Variants in UTRN observed in about 807,000 individuals in gnomAD.
The protein encoded by UTRN is dystrophin-related protein 1.
Under a neutral mutation model 463.9 loss-of-function variants are expected in UTRN, and 283 were observed. The observed-to-expected ratio is 0.61, with a 90% CI of 0.55 to 0.67. UTRN has a LOEUF of 0.67. Among genes scored for constraint, UTRN ranks in the 30% least tolerant of loss-of-function variants. UTRN has a pLI of 0.00. For synonymous variants in UTRN, 1,442 were observed against 1,431.5 expected (o/e 1.01, Z -0.17); for missense variants, 3,922 against 4,084.3 (o/e 0.96, Z 1.08).
At chr6:144,568,367 C>G (rs1800616164) in intron 50 of UTRN, among the ~76,000 whole-genome samples, 1 of 152,088 alleles carries the variant, frequency 6.6e-6, no homozygotes, top group African/African-American at 2.4e-5. Flanking sequence ...AATTTCTTTG[C>G]CTTTGTCTTC....
intron 51 of UTRN, among the ~76,000 whole-genome samples, chr6:144,640,241 T>C (rs1382625261): frequency 6.6e-6 from 1 of 152,126 alleles, no homozygotes; most frequent in Non-Finnish European, 1.5e-5. Context: ...CTAATGTTAA[T>C]GAGAAGTAGT....
intron 52 of UTRN, among the ~76,000 whole-genome samples, chr6:144,692,692 T>G (rs1783558425): frequency 6.6e-6 from 1 of 152,220 alleles, no homozygotes. Context: ...CATATATGTC[T>G]TCTTTTGAAA....
chr6:144,312,708 C>G (rs962954616), intron 2 of UTRN, among the ~76,000 whole-genome samples: 4 of 152,060 alleles, frequency 2.6e-5, no homozygotes, highest in Non-Finnish European at 5.9e-5. Flanking sequence ...TAGTTTTTCT[C>G]TTCCATGTTT....
At chr6:144,841,213 G>A (rs550716764) in intron 73 of UTRN, among the ~76,000 whole-genome samples, 12 of 152,222 alleles carry the variant, frequency 7.9e-5, no homozygotes, top group Non-Finnish European at 1.3e-4. Context: ...CATGGAAACA[G>A]CCTTTCTAGT....
intron 39 of UTRN, among the ~76,000 whole-genome samples, chr6:144,517,840 T>C (rs1000951931): frequency 2.0e-5 from 3 of 152,212 alleles, no homozygotes; most frequent in African/African-American, 7.2e-5. Context: ...ATGATGTTTG[T>C]ATGACAATGA....
At chr6:144,411,486 G>A (rs1189184590) in intron 3 of UTRN, among the ~76,000 whole-genome samples, 1 of 152,040 alleles carries the variant, frequency 6.6e-6, no homozygotes, top group Non-Finnish European at 1.5e-5. Context: ...CCCTGCCTCT[G>A]GCCGCCAGGT....
intron 26 of UTRN, among the ~76,000 whole-genome samples, chr6:144,480,298 A>T (rs980859846): frequency 1.3e-5 from 2 of 151,366 alleles, no homozygotes; most frequent in Non-Finnish European, 3.0e-5. Context: ...AAGAATGATC[A>T]TTTTTTTTTA....
rs368697151 is a variant in UTRN, at chr6:144,474,573, T to C, written c.3181-31T>C. ...ATTATGGCATCCACTTATATAGTAA[T>C]GAACTCAACATGCATCTTTTATGTG... On this transcript the variant is annotated intron_variant, in intron 24 of 74. Coordinates refer to ENST00000367545, the MANE Select transcript of UTRN (RefSeq NM_007124.3). 14 of 1,592,910 alleles carry C rather than the reference T, an allele frequency of 8.8e-6. 1 individual carries two copies. The highest frequency in any genetic ancestry group is 1.7e-4 in the Middle Eastern group (1 of 5,986).
intron 51 of UTRN, among the ~76,000 whole-genome samples, chr6:144,621,346 C>T (rs190154344): frequency 2.0e-5 from 3 of 152,198 alleles, no homozygotes; most frequent in Non-Finnish European, 4.4e-5. Flanking sequence ...TATGGTTCTC[C>T]AGAGAAACCA....
intron 73 of UTRN, among the ~76,000 whole-genome samples, chr6:144,843,641 G>A (rs764537954): frequency 4.7e-4 from 72 of 152,136 alleles, no homozygotes; most frequent in Non-Finnish European, 6.2e-4. Flanking sequence ...ACATCACAGA[G>A]ATTCATCCTC....
Position 144,796,123 on chromosome 6 carries a change from C to G in UTRN, c.9079-1701C>G, listed in dbSNP as rs545309943. On this transcript the variant is annotated intron_variant, in intron 63 of 74. Transcript: ENST00000367545. ...AAGGAAGGGGTTAAGTTTCAGTTTT[C>G]TGCATATGGCTAGCCAGTTTTCCCA... Among the ~76,000 whole-genome samples, 5 of 152,278 alleles carry G rather than the reference C, an allele frequency of 3.3e-5. No individual in the cohort carries two copies. The East Asian group carries it at 9.6e-4, about 29-fold the overall frequency.
At chr6:144,797,107 CTTT>C (rs1777289811) in intron 63 of UTRN, among the ~76,000 whole-genome samples, 1 of 151,670 alleles carries the variant, frequency 6.6e-6, no homozygotes, top group African/African-American at 2.4e-5. Context: ...AAAATGACAG[CTTT>C]TATTTAGCAT....
At chr6:144,455,497 TGA>T (rs1788727540) in intron 19 of UTRN, among the ~76,000 whole-genome samples, 2 of 152,242 alleles carry the variant, frequency 1.3e-5, no homozygotes, top group Non-Finnish European at 2.9e-5. Flanking sequence ...CTGGTGACTC[TGA>T]CTTTATCTGA....
intron 2 of UTRN, among the ~76,000 whole-genome samples, chr6:144,387,872 G>A (rs1190512627): frequency 1.3e-5 from 2 of 152,094 alleles, no homozygotes; most frequent in Non-Finnish European, 1.5e-5. Context: ...ATACAGATAT[G>A]CAGAAGTCTC....
In UTRN at chr6:144,820,796, T is replaced by C. The variant is rs371715335; in HGVS notation, c.9358-86T>C. 1.1e-3 allele frequency: 1,584 copies of C among 1,477,504 alleles called. 28 individuals carry two copies. In the South Asian group the frequency reaches 0.021, roughly 19 times the overall value. 91.5% of individuals were successfully genotyped at this position (1,477,504 alleles called of 1,614,324 possible). ...CCAAAACTGTTGACATTTAATTGCA[T>C]CAATTTACATCGGCTCTGATTTTGT... On this transcript the variant is annotated intron_variant, in intron 65 of 74. Coordinates refer to ENST00000367545, the MANE Select transcript of UTRN (RefSeq NM_007124.3).
intron 3 of UTRN, among the ~76,000 whole-genome samples, chr6:144,411,330 A>G (rs1264538060): frequency 6.6e-6 from 1 of 152,042 alleles, no homozygotes; most frequent in East Asian, 1.9e-4. Context: ...GCATTTTTTC[A>G]TATTCTTGTT....
At chr6:144,318,658 T>G (rs1477544125) in intron 2 of UTRN, among the ~76,000 whole-genome samples, 1 of 152,110 alleles carries the variant, frequency 6.6e-6, no homozygotes, top group Non-Finnish European at 1.5e-5. Flanking sequence ...GAGATGGGGT[T>G]TCATCATGTT....
intron 66 of UTRN, among the ~76,000 whole-genome samples, chr6:144,824,584 A>AT (rs1417050936): frequency 2.9e-5 from 1 of 34,812 alleles, no homozygotes; most frequent in Non-Finnish European, 4.6e-5. Flanking sequence ...ATATATATAT[A>AT]TATATATATA....
chr6:144,582,510 T>C (rs1802062653), intron 51 of UTRN, among the ~76,000 whole-genome samples: 1 of 152,330 alleles, frequency 6.6e-6, no homozygotes, highest in East Asian at 1.9e-4. Flanking sequence ...GTACTGGATT[T>C]TTATATGATA....
Sources: allele counts gnomAD v4.1 joint callset (sites outside exome capture counted in the v4.1 genomes callset), GRCh38; gene constraint gnomAD v4.1.1; transcripts MANE v1.5; gene names NCBI Gene and HGNC (gene_info 2026-07-23, HGNC 2026-07-21).